The following SNX18 variants were observed in gnomAD, a reference collection of about 807,000 sequenced individuals.
SNX18 encodes the protein sorting nexin-18.
SNX18 carries 35 observed loss-of-function variants against 48.7 expected under a neutral mutation model. The observed-to-expected ratio is 0.72, with a 90% confidence interval of 0.55 to 0.95. The LOEUF (loss-of-function observed/expected upper bound fraction) is 0.95, where lower values mean the gene tolerates loss of function less well. Among genes scored for constraint, SNX18 ranks in the 40% least tolerant of loss-of-function variants. The probability of loss-of-function intolerance (pLI) is 0.00; values close to 1 mark genes in which losing one functional copy is unlikely to be tolerated. For missense variants in SNX18, 824 were observed against 871.0 expected (o/e 0.95, Z 0.68); for synonymous variants, 492 against 384.7 (o/e 1.28, Z -3.26).
chr5:54,564,138 C>T, the SNX18 span, among the ~76,000 whole-genome samples: 4 of 151,936 alleles, frequency 2.6e-5, no homozygotes, highest in South Asian at 2.1e-4. Flanking sequence ...TGATGGCGGG[C>T]GCCTGTAGTC....
chr5:54,643,387 T>A, the SNX18 span, among the ~76,000 whole-genome samples: 4 of 152,164 alleles, frequency 2.6e-5, no homozygotes, highest in African/African-American at 9.7e-5. Flanking sequence ...TAAATAGATG[T>A]GAAAAACACA....
the SNX18 span, among the ~76,000 whole-genome samples, chr5:54,566,754 G>A: frequency 6.6e-6 from 1 of 152,200 alleles, no homozygotes. Context: ...CCTAACTGTA[G>A]GGATGCCTGA....
chr5:54,552,884 G>A, the SNX18 span, among the ~76,000 whole-genome samples: 1 of 152,096 alleles, frequency 6.6e-6, no homozygotes, highest in Non-Finnish European at 1.5e-5. Context: ...GAGGAGTGAG[G>A]AGAATTTGTT....
At chr5:54,561,290 C>G in the SNX18 span, among the ~76,000 whole-genome samples, 2 of 152,162 alleles carry the variant, frequency 1.3e-5, no homozygotes, top group Admixed American at 1.3e-4. Context: ...ATCCACCCGC[C>G]TCAGCCTCCC....
the SNX18 span, among the ~76,000 whole-genome samples, chr5:54,634,806 C>T: frequency 2.6e-5 from 4 of 151,926 alleles, no homozygotes; most frequent in Non-Finnish European, 5.9e-5. Context: ...AAATATACAC[C>T]ATTTTGGAAT....
At chr5:54,596,808 T>C in the SNX18 span, among the ~76,000 whole-genome samples, 1 of 152,198 alleles carries the variant, frequency 6.6e-6, no homozygotes, top group Non-Finnish European at 1.5e-5. Flanking sequence ...GCAGTAGGAA[T>C]GGATGTGCCC....
intron 1 of SNX18, among the ~76,000 whole-genome samples, chr5:54,535,593 G>A (rs560389152): frequency 6.6e-6 from 1 of 152,276 alleles, no homozygotes; most frequent in South Asian, 2.1e-4. Context: ...CCCACAAAGA[G>A]GGTAATAGGT....
At chr5:54,585,960 G>A in the SNX18 span, among the ~76,000 whole-genome samples, 35 of 150,380 alleles carry the variant, frequency 2.3e-4, no homozygotes, top group East Asian at 5.8e-3. Context: ...AGCTGAGATC[G>A]TGCCACTGCA....
Position 54,522,204 on chromosome 5 carries a change from G to T in SNX18, c.1621+2631G>T, listed in dbSNP as rs1317726176. ...GGATGCTAGTGTAGGCCATTTTTAGGAGTATAGATGAGACAAACATCATAA... is the reference window on the plus strand; with the variant it reads ...GGATGCTAGTGTAGGCCATTTTTAGTAGTATAGATGAGACAAACATCATAA... On this transcript the variant is annotated intron_variant, in intron 1 of 1. Coordinates refer to ENST00000381410, the MANE Select transcript of SNX18 (RefSeq NM_001102575.2). 3.9e-5 allele frequency among the ~76,000 whole-genome samples: 6 copies of T among 152,122 alleles called. No individual in the cohort carries two copies. In the East Asian group the frequency reaches 1.2e-3, roughly 29 times the overall value.
chr5:54,612,213 A>G, the SNX18 span, among the ~76,000 whole-genome samples: 1 of 152,194 alleles, frequency 6.6e-6, no homozygotes, highest in East Asian at 1.9e-4. Flanking sequence ...AGGAGCAATT[A>G]AAGAGTAGAT....
chr5:54,615,104 A>G, the SNX18 span, among the ~76,000 whole-genome samples: 4 of 152,310 alleles, frequency 2.6e-5, no homozygotes, highest in African/African-American at 4.8e-5. Context: ...CTGGAGCTTC[A>G]GTTAGAGAGG....
At chr5:54,574,461 G>C in the SNX18 span, among the ~76,000 whole-genome samples, 2 of 152,180 alleles carry the variant, frequency 1.3e-5, no homozygotes, top group Non-Finnish European at 2.9e-5. Context: ...TCATTAGTCA[G>C]AACCAGTGTC....
the SNX18 span, among the ~76,000 whole-genome samples, chr5:54,639,328 A>G: frequency 3.9e-5 from 6 of 152,226 alleles, no homozygotes; most frequent in Admixed American, 3.3e-4. Context: ...ATTAGAATCC[A>G]TACATGTATT....
intron 1 of SNX18, among the ~76,000 whole-genome samples, chr5:54,521,480 C>T (rs1236442617): frequency 6.6e-6 from 1 of 152,098 alleles, no homozygotes; most frequent in Non-Finnish European, 1.5e-5. Context: ...AGGAGGATTG[C>T]CTTAAGGCCA....
At chr5:54,594,263 G>A in the SNX18 span, among the ~76,000 whole-genome samples, 1 of 152,224 alleles carries the variant, frequency 6.6e-6, no homozygotes, top group Admixed American at 6.5e-5. Context: ...CATGGAGCCA[G>A]GGCAAGTGTC....
At chr5:54,612,454 A>G in the SNX18 span, among the ~76,000 whole-genome samples, 1 of 151,666 alleles carries the variant, frequency 6.6e-6, no homozygotes, top group Admixed American at 6.6e-5. Context: ...TAGTGGAGAG[A>G]GTGTTTCACC....
chr5:54,642,378 T>G, the SNX18 span, among the ~76,000 whole-genome samples: 1 of 151,852 alleles, frequency 6.6e-6, no homozygotes, highest in Non-Finnish European at 1.5e-5. Context: ...ATTAGTTATG[T>G]TGGGTTTTTT....
chr5:54,569,607 G>A, the SNX18 span, among the ~76,000 whole-genome samples: 4,421 of 152,118 alleles, frequency 0.029, 200 homozygotes, highest in African/African-American at 0.1. Context: ...CTGGCACCTG[G>A]GTTGAGTAAA....
At chr5:54,581,127 G>A in the SNX18 span, among the ~76,000 whole-genome samples, 1 of 152,122 alleles carries the variant, frequency 6.6e-6, no homozygotes. Context: ...AGATTGGAGA[G>A]GTCCACTTGG....
Sources: gnomAD v4.1 joint callset for allele counts (sites outside exome capture counted in the v4.1 genomes callset) on GRCh38, gnomAD v4.1.1 for gene constraint, MANE v1.5 for transcripts, NCBI Gene and HGNC (gene_info 2026-07-23, HGNC 2026-07-21) for gene names.